SHROOM3: variants seen among roughly 807,000 people sequenced by gnomAD.
SHROOM3 encodes protein Shroom3.
SHROOM3 carries 47 observed loss-of-function variants against 138.6 expected under a neutral mutation model. The observed-to-expected ratio is 0.34, with a 90% CI of 0.27 to 0.43. The LOEUF is 0.43. SHROOM3 is among the 20% of genes least tolerant of loss of function. The pLI, the probability that SHROOM3 is intolerant of heterozygous loss-of-function variation, is 1.00. For missense variants in SHROOM3, 2,491 were observed against 2,596.5 expected, an observed-to-expected ratio of 0.96 and a Z score of 0.88; for synonymous variants, 1,062 against 1,063.3, an observed-to-expected ratio of 1.00 and a Z score of 0.02.
chr4:76,702,396 C>T (rs1383360930), intron 2 of SHROOM3, among the ~76,000 whole-genome samples: 2 of 152,184 alleles, frequency 1.3e-5, no homozygotes, highest in East Asian at 3.8e-4. Flanking sequence ...AGTTTCAGTT[C>T]TACGGGTAAA....
At position 76,747,019 on chromosome 4, in the gene SHROOM3, C is replaced by A. The variant is rs992149099; in HGVS notation, c.3754-1998C>A. Among the ~76,000 whole-genome samples, 4 of 151,904 alleles carry A rather than the reference C, an allele frequency of 2.6e-5. No homozygotes were observed. The South Asian group carries it at 8.3e-4, about 32-fold the overall frequency. The stretch of plus-strand genomic sequence containing the variant: ...ACTTTTGGTAGAGACGGGGTTTCAC[C>A]ACGTTAGCCAGGATGATCTCGATCT... On this transcript the variant is annotated intron_variant, in intron 5 of 10. Coordinates refer to ENST00000296043, the MANE Select transcript of SHROOM3 (RefSeq NM_020859.4).
At chr4:76,694,531 A>C (rs1417829929) in intron 2 of SHROOM3, among the ~76,000 whole-genome samples, 1 of 152,220 alleles carries the variant, frequency 6.6e-6, no homozygotes, top group Non-Finnish European at 1.5e-5. Context: ...GGTCTTATAT[A>C]AAGGCAATTG....
At chr4:76,595,329 T>G (rs919916365) in intron 2 of SHROOM3, among the ~76,000 whole-genome samples, 1 of 152,242 alleles carries the variant, frequency 6.6e-6, no homozygotes, top group Non-Finnish European at 1.5e-5. Flanking sequence ...GTCTGCAGAC[T>G]GGCTTTCTGA....
Position 76,667,966 on chromosome 4 carries a change from C to CAAAAAAAAAAAAAAAAAAAA in SHROOM3, c.324-42183_324-42164dup, listed in dbSNP as rs747974205. ...TGGGCGACAGAAGGAGACTCCCTCT[C>CAAAAAAAAAAAAAAAAAAAA]AAAAAAAAAAAAAAAAAAAAAAAAA... On this transcript the variant is annotated intron_variant, in intron 2 of 10. Coordinates refer to ENST00000296043, the MANE Select transcript of SHROOM3 (RefSeq NM_020859.4). Among the ~76,000 whole-genome samples, 2 of 62,558 alleles carry CAAAAAAAAAAAAAAAAAAAA rather than the reference C, an allele frequency of 3.2e-5. 1 individual carries two copies. The highest frequency in any genetic ancestry group is 5.8e-5 in the Non-Finnish European group (2 of 34,258). The allele number at this position is 62,558 out of a possible 152,430, so 41.0% of individuals were successfully genotyped here.
At chr4:76,624,892 A>G (rs943308857) in intron 2 of SHROOM3, among the ~76,000 whole-genome samples, 2 of 152,230 alleles carry the variant, frequency 1.3e-5, no homozygotes, top group African/African-American at 4.8e-5. Context: ...TTCTGAGTTA[A>G]AAAGAATAAT....
chr4:76,569,343 G>A (rs1733790306), intron 2 of SHROOM3, among the ~76,000 whole-genome samples: 1 of 152,180 alleles, frequency 6.6e-6, no homozygotes, highest in Non-Finnish European at 1.5e-5. Context: ...TCACTGGCAA[G>A]GCTCCTCTCC....
At chr4:76,651,398 A>G (rs1369851276) in intron 2 of SHROOM3, among the ~76,000 whole-genome samples, 1 of 85,256 alleles carries the variant, frequency 1.2e-5, no homozygotes, top group Admixed American at 1.5e-4. Context: ...CATGTAACCC[A>G]TAAATATATA....
intron 5 of SHROOM3, among the ~76,000 whole-genome samples, chr4:76,747,374 T>C (rs1318473495): frequency 6.6e-6 from 1 of 152,168 alleles, no homozygotes; most frequent in Non-Finnish European, 1.5e-5. Context: ...TCCTTGGGCT[T>C]GTATCAGATT....
intron 1 of SHROOM3, among the ~76,000 whole-genome samples, chr4:76,519,008 A>G (rs1732506507): frequency 6.6e-6 from 1 of 152,126 alleles, no homozygotes; most frequent in African/African-American, 2.4e-5. Flanking sequence ...GTCTGGGTAC[A>G]CAGCTGGTGA....
At chr4:76,710,335 T>A in intron 3 of SHROOM3, 48 bp downstream of exon 3, 2 of 1,610,052 alleles carry the variant, frequency 1.2e-6, no homozygotes, top group Non-Finnish European at 1.7e-6. Flanking sequence ...AAGAACCCAG[T>A]CCAAAAAGCC....
chr4:76,766,601 C>T (rs930116571), intron 9 of SHROOM3, among the ~76,000 whole-genome samples: 1 of 152,118 alleles, frequency 6.6e-6, no homozygotes. Flanking sequence ...CAAAACACAC[C>T]TCTTCTCCCT....
intron 1 of SHROOM3, among the ~76,000 whole-genome samples, chr4:76,447,962 A>G (rs1353977034): frequency 6.6e-6 from 1 of 152,174 alleles, no homozygotes; most frequent in Non-Finnish European, 1.5e-5. Context: ...GGCCCTGCAA[A>G]GTACTACTGC....
chr4:76,478,289 G>C (rs1185091729), intron 1 of SHROOM3, among the ~76,000 whole-genome samples: 1 of 152,164 alleles, frequency 6.6e-6, no homozygotes, highest in African/African-American at 2.4e-5. Flanking sequence ...AAGTTTGGTG[G>C]GGGGAGGGGC....
At chr4:76,774,675 C>G (rs1481709008) in intron 10 of SHROOM3, among the ~76,000 whole-genome samples, 1 of 149,242 alleles carries the variant, frequency 6.7e-6, no homozygotes, top group African/African-American at 2.5e-5. Flanking sequence ...GAAAGGCATC[C>G]TCATTCAAAT....
chr4:76,744,988 A>G (rs1327381977), intron 5 of SHROOM3, among the ~76,000 whole-genome samples: 1 of 152,208 alleles, frequency 6.6e-6, no homozygotes, highest in Non-Finnish European at 1.5e-5. Context: ...ACCATTTTGA[A>G]CTACTTGTAG....
intron 2 of SHROOM3, among the ~76,000 whole-genome samples, chr4:76,569,382 A>G (rs1276506074): frequency 6.6e-6 from 1 of 152,198 alleles, no homozygotes; most frequent in Non-Finnish European, 1.5e-5. Context: ...TTTTGGAGAA[A>G]CTGCTGCCTG....
Position 76,739,276 on chromosome 4 carries a change from C to T in SHROOM3, c.1103C>T (p.Ser368Phe), listed in dbSNP as rs1721171882. ...PPSWSQQCPS[S>F]LETATDNLPP... is the part of the protein sequence containing the mutation. ...TCCTGGAGCCAGCAGTGCCCCAGTT[C>T]CTTGGAGACTGCCACGGACAACCTT... is the stretch of plus-strand genomic sequence containing the variant. Residue 368 changes from serine (S) to phenylalanine (F), a missense_variant, in exon 5 of 11, where the codon TCC becomes TTC. By Grantham distance (155) the Ser-to-Phe change is radical. Coordinates refer to ENST00000296043, the MANE Select transcript of SHROOM3 (RefSeq NM_020859.4). 6.2e-7 allele frequency: 1 copy of T among 1,614,020 alleles called. No homozygotes were observed. The highest frequency in any genetic ancestry group is 8.5e-7 in the Non-Finnish European group (1 of 1,179,998).
intron 2 of SHROOM3, among the ~76,000 whole-genome samples, chr4:76,612,570 A>G (rs775292848): frequency 1.3e-5 from 2 of 152,160 alleles, no homozygotes; most frequent in Non-Finnish European, 1.5e-5. Context: ...TTATTATTAA[A>G]CTTTCTATAC....
intron 2 of SHROOM3, among the ~76,000 whole-genome samples, chr4:76,693,366 G>GTTTTT (rs1429298697): frequency 1.8e-3 from 109 of 60,040 alleles, no homozygotes; most frequent in African/African-American, 6.7e-3. Context: ...ATTTTGATAA[G>GTTTTT]TTTGTTTTTT....
Sources: gnomAD v4.1 joint callset for allele counts (sites outside exome capture counted in the v4.1 genomes callset) on GRCh38, gnomAD v4.1.1 for gene constraint, MANE v1.5 for transcripts, NCBI Gene and HGNC (gene_info 2026-07-23, HGNC 2026-07-21) for gene names.